BTBD9: variants seen among roughly 807,000 people sequenced by gnomAD.
BTBD9 encodes the protein BTB/POZ domain-containing protein 9.
Under a neutral mutation model 64.3 loss-of-function variants are expected in BTBD9, and 49 were observed. The observed-to-expected ratio is 0.76, with a 90% confidence interval of 0.61 to 0.97. The LOEUF is 0.97. BTBD9 is among the 50% of genes least tolerant of loss of function. BTBD9 has a pLI of 0.00. For synonymous variants in BTBD9, 260 were observed against 274.7 expected, an observed-to-expected ratio of 0.95 and a Z score of 0.53; for missense variants, 598 against 762.1, an observed-to-expected ratio of 0.78 and a Z score of 2.53.
intron 6 of BTBD9, among the ~76,000 whole-genome samples, chr6:38,348,755 T>C (rs1035266839): frequency 1.3e-5 from 2 of 152,174 alleles, no homozygotes; most frequent in Non-Finnish European, 2.9e-5. Flanking sequence ...TTCTGTCTTC[T>C]TTAATAAAAT....
chr6:38,496,930 A>T (rs188693429), intron 6 of BTBD9, among the ~76,000 whole-genome samples: 1 of 152,222 alleles, frequency 6.6e-6, no homozygotes, highest in Non-Finnish European at 1.5e-5. Context: ...CAGACAGCAA[A>T]GTAGCCAGGG....
intron 6 of BTBD9, among the ~76,000 whole-genome samples, chr6:38,394,450 A>G (rs1195588396): frequency 6.6e-6 from 1 of 152,212 alleles, no homozygotes; most frequent in African/African-American, 2.4e-5. Context: ...AGAAAGAACA[A>G]TATGTAGCAA....
Position 38,399,902 on chromosome 6 carries a change from C to T in BTBD9, c.1155-54809G>A, listed in dbSNP as rs191083886. Among the ~76,000 whole-genome samples, 447 of 151,920 alleles carry T rather than the reference C, an allele frequency of 2.9e-3. 1 individual carries two copies. The highest frequency in any genetic ancestry group is 0.01 in the African/African-American group (428 of 41,384). ...GAGTAGCTGGGATTATGGGCATGTG[C>T]CACCATGCCCAGCTAATTTTTTTTT... is the stretch of plus-strand genomic sequence containing the variant. On this transcript the variant is annotated intron_variant, in intron 6 of 10. Transcript: ENST00000481247.
At chr6:38,200,947 G>C (rs1762442821) in intron 9 of BTBD9, among the ~76,000 whole-genome samples, 1 of 152,080 alleles carries the variant, frequency 6.6e-6, no homozygotes, top group African/African-American at 2.4e-5. Context: ...TTGAGTCTGG[G>C]AGTTTGCGAT....
chr6:38,472,237 C>A (rs1276938876), intron 6 of BTBD9, among the ~76,000 whole-genome samples: 1 of 152,124 alleles, frequency 6.6e-6, no homozygotes, highest in Non-Finnish European at 1.5e-5. Flanking sequence ...ACATACAGTG[C>A]AAATATATAA....
chr6:38,352,981 T>C (rs973718973), intron 6 of BTBD9, among the ~76,000 whole-genome samples: 3 of 152,192 alleles, frequency 2.0e-5, no homozygotes, highest in African/African-American at 7.2e-5. Flanking sequence ...AATTAAAAAA[T>C]CAAATAATTA....
At chr6:38,409,422 G>C in intron 6 of BTBD9, among the ~76,000 whole-genome samples, 1 of 152,194 alleles carries the variant, frequency 6.6e-6, no homozygotes, top group Non-Finnish European at 1.5e-5. Flanking sequence ...GTACCCTGTA[G>C]TTGTTTTTTA....
Position 38,621,289 on chromosome 6 carries a change from C to T in BTBD9, c.-28+18511G>A, listed in dbSNP as rs147656809. Among the ~76,000 whole-genome samples the T allele has an allele frequency of 8.9e-4, 136 of 152,328 alleles. 1 individual carries two copies. The highest frequency in any genetic ancestry group is 3.0e-3 in the African/African-American group (124 of 41,570). On this transcript the variant is annotated intron_variant, in intron 1 of 10. Coordinates refer to ENST00000481247, the MANE Select transcript of BTBD9 (RefSeq NM_001099272.2). ...CCTTGAGGGACCAGTGCTTCAAATA[C>T]GCACATGTGCGGCCCTCAACCCTGC...
chr6:38,601,385 G>A (rs1177744184), intron 1 of BTBD9, among the ~76,000 whole-genome samples: 1 of 152,184 alleles, frequency 6.6e-6, no homozygotes, highest in Non-Finnish European at 1.5e-5. Flanking sequence ...CCTACAAAGT[G>A]ATAGTTTCAG....
chr6:38,420,877 C>A (rs533168350), intron 6 of BTBD9, among the ~76,000 whole-genome samples: 1 of 151,710 alleles, frequency 6.6e-6, no homozygotes, highest in Admixed American at 6.6e-5. Flanking sequence ...TAATAACATC[C>A]TAGAATAACA....
At chr6:38,328,720 G>C (rs1763544684) in intron 7 of BTBD9, among the ~76,000 whole-genome samples, 1 of 151,806 alleles carries the variant, frequency 6.6e-6, no homozygotes, top group Non-Finnish European at 1.5e-5. Flanking sequence ...GGCCGAGGTG[G>C]GTGGATCCCG....
chr6:38,343,806 C>T (rs546085449), intron 7 of BTBD9, among the ~76,000 whole-genome samples: 4 of 152,282 alleles, frequency 2.6e-5, no homozygotes, highest in African/African-American at 9.6e-5. Context: ...TCCACTCCTG[C>T]TACTTTATTA....
chr6:38,395,272 A>G (rs569150216), intron 6 of BTBD9, among the ~76,000 whole-genome samples: 5 of 152,246 alleles, frequency 3.3e-5, no homozygotes, highest in African/African-American at 1.2e-4. Context: ...CTCTACAAAA[A>G]AAAAATTTTT....
Position 38,625,448 on chromosome 6 carries a change from A to C in BTBD9, c.-28+14352T>G, listed in dbSNP as rs557210873. Reference sequence around the variant, plus strand: ...ACAATTGATGGAGAGCCTGTCACCAAGCCTATTTACTTGATTTATTTTACA... The same window carrying C: ...ACAATTGATGGAGAGCCTGTCACCACGCCTATTTACTTGATTTATTTTACA... On this transcript the variant is annotated intron_variant, in intron 1 of 10. Transcript: ENST00000481247. 3.1e-4 allele frequency among the ~76,000 whole-genome samples: 47 copies of C among 152,324 alleles called. 1 individual carries two copies. Among genetic ancestry groups the C allele is most frequent in the Non-Finnish European group, 5.1e-4 (35 of 68,016 alleles).
Position 38,441,855 on chromosome 6 carries a change from C to T in BTBD9, c.1155-96762G>A, listed in dbSNP as rs117104261. On this transcript the variant is annotated intron_variant, in intron 6 of 10. Coordinates refer to ENST00000481247, the MANE Select transcript of BTBD9 (RefSeq NM_001099272.2). ...TATGAAGTGGATGTTATCAACAGTC[C>T]AATTTTACATATGGCCCAAACAAAA... 1.2e-3 allele frequency among the ~76,000 whole-genome samples: 185 copies of T among 152,136 alleles called. 3 individuals carry two copies. In the East Asian group the frequency reaches 0.033, roughly 27 times the overall value.
chr6:38,557,925 G>T (rs1178223764), intron 6 of BTBD9, among the ~76,000 whole-genome samples: 1 of 152,086 alleles, frequency 6.6e-6, no homozygotes, highest in Non-Finnish European at 1.5e-5. Flanking sequence ...TAACCTTTCT[G>T]AGGCTGTGTG....
intron 6 of BTBD9, among the ~76,000 whole-genome samples, chr6:38,372,593 G>C (rs1398577585): frequency 1.3e-5 from 2 of 152,192 alleles, no homozygotes; most frequent in Admixed American, 6.5e-5. Flanking sequence ...ATACTTTTCT[G>C]TGTTTACTTT....
At chr6:38,206,155 G>A (rs958298941) in intron 9 of BTBD9, among the ~76,000 whole-genome samples, 4 of 152,066 alleles carry the variant, frequency 2.6e-5, no homozygotes, top group South Asian at 4.2e-4. Flanking sequence ...AAATTGTGTT[G>A]TGGGGGAAGA....
At chr6:38,190,467 T>TA (rs70981527) in intron 10 of BTBD9, among the ~76,000 whole-genome samples, 36,084 of 77,248 alleles carry the variant, frequency 0.47, 8,836 homozygotes, top group Non-Finnish European at 0.58. Context: ...AAACTCTGTC[T>TA]AAAAAAAAAA....
Sources: allele counts gnomAD v4.1 joint callset (sites outside exome capture counted in the v4.1 genomes callset), GRCh38; gene constraint gnomAD v4.1.1; transcripts MANE v1.5; gene names NCBI Gene and HGNC (gene_info 2026-07-23, HGNC 2026-07-21).